The following SSX5 variants were observed in gnomAD, a reference collection of about 807,000 sequenced individuals.
SSX5 encodes protein SSX5.
Under a neutral mutation model 14.9 loss-of-function variants are expected in SSX5, and 14 were observed. The ratio of observed to expected loss-of-function variants is 0.94; its 90% CI spans 0.62 to 1.47. The LOEUF is 1.47. Among genes scored for constraint, SSX5 ranks in the 40% most tolerant of loss-of-function variants. The probability of loss-of-function intolerance (pLI) is 0.00; values close to 1 mark genes in which losing one functional copy is unlikely to be tolerated. For missense variants in SSX5, 204 were observed against 154.6 expected (o/e 1.32, Z -1.70); for synonymous variants, 70 against 55.4 (o/e 1.26, Z -1.17).
At position 48,195,369 on chromosome X, in the gene SSX5, G is replaced by A; in HGVS notation, c.-11C>T. The A allele has an allele frequency of 8.3e-7, 1 of 1,210,389 alleles. No individual in the cohort carries two copies. The highest frequency in any genetic ancestry group is 1.7e-5 in the African/African-American group (1 of 57,897). ...ATCGTCTCCGTTCATGGCACCGGGA[G>A]CACTCTGTCCTACAAGAGAAACAGT... is the stretch of plus-strand genomic sequence containing the variant. On this transcript the variant is annotated 5_prime_UTR_variant, in exon 2 of 8. Transcript: ENST00000347757.
rs1163129432 is a variant in SSX5 at position 48,186,869 on chromosome X, G to A, written c.*5-13C>T. The stretch of plus-strand genomic sequence containing the variant: ...CATATCCCCGAGGCTGAGGCAAGAA[G>A]CGAGAAGGAAAGTAAGTGGCAGTGA... On this transcript the variant is annotated splice_polypyrimidine_tract_variant and intron_variant, in intron 7 of 7. Coordinates refer to ENST00000347757, the MANE Select transcript of SSX5 (RefSeq NM_175723.2). 1.3e-5 allele frequency: 15 copies of A among 1,196,267 alleles called. No homozygotes were observed. Among genetic ancestry groups the A allele is most frequent in the Admixed American group, 2.2e-5 (1 of 45,684 alleles).
At chrX:48,187,341 C>A (rs782247783) in intron 7 of SSX5, among the ~76,000 whole-genome samples, 1 of 110,632 alleles carries the variant, frequency 9.0e-6, no homozygotes, top group East Asian at 2.9e-4. Context: ...GTGCTTGTAG[C>A]CCCAGCTACT....
intron 6 of SSX5, among the ~76,000 whole-genome samples, chrX:48,188,654 G>C (rs1182600530): frequency 9.0e-6 from 1 of 111,713 alleles, no homozygotes; most frequent in African/African-American, 3.3e-5. Context: ...TGGCCGCTAA[G>C]TGTTGAAATG....
chrX:48,195,018 C>G, intron 2 of SSX5, 164 bp from the exon 3 acceptor site: 3 of 1,211,561 alleles, frequency 2.5e-6, no homozygotes, highest in Non-Finnish European at 3.4e-6. Context: ...CTAGCTTCTC[C>G]CCTGCCACAC....
At position 48,196,221 on chromosome X, in the gene SSX5, T is replaced by C. The variant is rs1363054071; in HGVS notation, c.-21+510A>G. 1.7e-4 allele frequency among the ~76,000 whole-genome samples: 19 copies of C among 111,103 alleles called. 1 individual carries two copies. The highest frequency in any genetic ancestry group is 6.2e-4 in the African/African-American group (19 of 30,527). On this transcript the variant is annotated intron_variant, in intron 1 of 7. Coordinates refer to ENST00000347757, the MANE Select transcript of SSX5 (RefSeq NM_175723.2). ...GGGCGGATCACTTGAGCCCAGGAGC[T>C]TGAGACCAGCCTGGTCAACATAGCG...
rs1361080260 is a variant in SSX5 at position 48,194,150 on chromosome X, C to T, written c.259G>A (p.Asp87Asn). Residue 87 changes from aspartate (D) to asparagine (N), a missense_variant, in exon 4 of 8, where the codon GAC (aspartate) becomes AAC (asparagine). Physicochemically the swap from Asp to Asn is conservative, Grantham distance 23. Coordinates refer to ENST00000347757, the MANE Select transcript of SSX5 (RefSeq NM_175723.2). Reference sequence around the variant, plus strand: ...TCACCCTGATTCCCACGGTTAGGGTCATTATCAAAATCATTCCCCTGGAAG... The same window carrying T: ...TCACCCTGATTCCCACGGTTAGGGTTATTATCAAAATCATTCCCCTGGAAG... Reference protein sequence around the residue: ...ADFQGNDFDNDPNRGNQVEHP... With the variant: ...ADFQGNDFDNNPNRGNQVEHP... The T allele has an allele frequency of 6.2e-5, 75 of 1,207,907 alleles. No homozygotes were observed. The highest frequency in any genetic ancestry group is 7.9e-5 in the Non-Finnish European group (71 of 894,609).
intron 4 of SSX5, among the ~76,000 whole-genome samples, chrX:48,192,707 G>A (rs1556925023): frequency 8.9e-6 from 1 of 112,135 alleles, no homozygotes; most frequent in Non-Finnish European, 1.9e-5. Flanking sequence ...TAGTCCAGTG[G>A]CTCTGAAATA....
intron 4 of SSX5, 53 bp from the exon 5 acceptor site, chrX:48,192,334 T>C (rs1441364109): frequency 3.3e-6 from 4 of 1,201,215 alleles, no homozygotes; most frequent in Non-Finnish European, 4.5e-6. Flanking sequence ...TTCCAAACTC[T>C]AGAGAGACTT....
chrX:48,194,322 G>C, intron 3 of SSX5, 98 bp from the exon 4 acceptor site: 2 of 957,298 alleles, frequency 2.1e-6, no homozygotes, highest in Non-Finnish European at 3.0e-6. Flanking sequence ...GCTGAAGCTG[G>C]AGGATTGCTT....
chrX:48,195,167 G>T, intron 2 of SSX5, 123 bp downstream of exon 2: 2 of 1,210,884 alleles, frequency 1.7e-6, no homozygotes, highest in South Asian at 1.8e-5. Context: ...GGCTCCCAAG[G>T]TTCCAGATGT....
intron 4 of SSX5, among the ~76,000 whole-genome samples, 163 bp downstream of exon 4, chrX:48,193,966 T>G (rs1376932577): frequency 3.6e-5 from 4 of 110,298 alleles, no homozygotes; most frequent in Non-Finnish European, 7.6e-5. Context: ...TAAAATTTTA[T>G]ATGAATGGCC....
At position 48,190,177 on chromosome X, in the gene SSX5, G is replaced by A. The variant is rs782109677; in HGVS notation, c.422C>T (p.Pro141Leu). 59 of 1,208,416 alleles carry A rather than the reference G, an allele frequency of 4.9e-5. No homozygotes were observed. The Admixed American group carries it at 9.9e-4, about 20-fold the overall frequency. The change falls in exon 6 of 8, where the codon CCC becomes CTC. Residue 141 changes from proline (P) to leucine (L), a missense_variant. Pro to Leu is a moderately conservative substitution (Grantham distance 98, BLOSUM62 -3). Transcript: ENST00000347757. ...GPQNNGKQLRPSGKLNTSEKV... is the reference protein window; with the variant it reads ...GPQNNGKQLRLSGKLNTSEKV... The stretch of plus-strand genomic sequence containing the variant: ...CTCAGAGGTATTTAGTTTTCCTGAG[G>A]GGCGCAGCTGTTTCCCATTGTTCTG...
chrX:48,187,699 T>C lies in SSX5; in HGVS notation c.499A>G (p.Arg167Gly). The change falls in exon 7 of 8, where the codon AGA (arginine) becomes GGA (glycine). Residue 167 changes from arginine (R) to glycine (G), a missense_variant. By Grantham distance (125) the Arg-to-Gly change is moderately radical. Transcript: ENST00000347757. ...ACCAGTTGCTTTCTCTCACGCACTC[T>C]GTGGGTCCAGGCATGTTTCCCCCTT... ...PKRGKHAWTHRVRERKQLVIY... is the reference protein window; with the variant it reads ...PKRGKHAWTHGVRERKQLVIY... The C allele has an allele frequency of 1.7e-6, 2 of 1,209,847 alleles. No individual in the cohort carries two copies. The highest frequency in any genetic ancestry group is 2.2e-6 in the Non-Finnish European group (2 of 895,137).
Position 48,194,858 on chromosome X carries a change from G to GAAAAA in SSX5, c.70-9_70-5dup. ...ATTTGGCAATATCATCGAAGGCCTA[G>GAAAAA]AAAAAAAAAAAGGATTTCTGATAGT... On this transcript the variant is annotated splice_region_variant and splice_polypyrimidine_tract_variant and intron_variant, in intron 2 of 7. Transcript: ENST00000347757. 1 of 910,280 alleles carries GAAAAA rather than the reference G, an allele frequency of 1.1e-6. No homozygotes were observed. Among genetic ancestry groups the GAAAAA allele is most frequent in the Non-Finnish European group, 1.5e-6 (1 of 671,997 alleles). The allele number at this position is 910,280 out of a possible 1,213,427, so 75.0% of individuals were successfully genotyped here. A position where few individuals can be genotyped will look rare whatever the true frequency, so the allele number is the denominator to read the frequency against.
intron 7 of SSX5, among the ~76,000 whole-genome samples, 189 bp from the exon 8 acceptor site, chrX:48,187,045 T>C (rs1412307436): frequency 9.0e-6 from 1 of 111,462 alleles, no homozygotes; most frequent in Non-Finnish European, 1.9e-5. Context: ...CTCGCCTGGG[T>C]TATCAATTCC....
At chrX:48,192,795 T>C (rs2059425219) in intron 4 of SSX5, among the ~76,000 whole-genome samples, 1 of 112,215 alleles carries the variant, frequency 8.9e-6, no homozygotes, top group Non-Finnish European at 1.9e-5. Context: ...TCTCTTATAG[T>C]GATTGTGGGA....
At chrX:48,191,912 C>T (rs1219071480) in intron 5 of SSX5, among the ~76,000 whole-genome samples, 1 of 112,164 alleles carries the variant, frequency 8.9e-6, no homozygotes, top group Non-Finnish European at 1.9e-5. Flanking sequence ...GCCAAGTCGC[C>T]TGCCTTTTAT....
In SSX5 at chrX:48,192,224, A is replaced by T; in HGVS notation, c.330+8T>A. 8.3e-7 allele frequency: 1 copy of T among 1,211,262 alleles called. No individual in the cohort carries two copies. Among genetic ancestry groups the T allele is most frequent in the Non-Finnish European group, 1.1e-6 (1 of 895,083 alleles). ...TTCTCTGGTCCTTTAGATTTGAGAG[A>T]CACTCACCTTCGGGAAGATTCCCTG... On this transcript the variant is annotated splice_region_variant and intron_variant, in intron 5 of 7. Transcript: ENST00000347757.
At chrX:48,195,501 G>A in intron 1 of SSX5, 123 bp from the exon 2 acceptor site, 1 of 709,904 alleles carries the variant, frequency 1.4e-6, no homozygotes, top group Non-Finnish European at 2.2e-6. Context: ...TCCATCCGTG[G>A]CTTATCTGTC....
Sources: allele counts gnomAD v4.1 joint callset (sites outside exome capture counted in the v4.1 genomes callset), GRCh38; gene constraint gnomAD v4.1.1; transcripts MANE v1.5; gene names NCBI Gene and HGNC (gene_info 2026-07-23, HGNC 2026-07-21).